Variants in ZNF621 observed in about 807,000 individuals in gnomAD.
ZNF621 encodes zinc finger protein 621.
ZNF621 carries 6 observed loss-of-function variants against 12.7 expected under a neutral mutation model. The observed-to-expected ratio is 0.47, with a 90% confidence interval of 0.26 to 0.93. The LOEUF is 0.93. Among genes scored for constraint, ZNF621 ranks in the 40% least tolerant of loss-of-function variants. The pLI, the probability that ZNF621 is intolerant of heterozygous loss-of-function variation, is 0.15. For synonymous variants in ZNF621, 156 were observed against 190.3 expected, an observed-to-expected ratio of 0.82 and a Z score of 1.48; for missense variants, 474 against 524.0, an observed-to-expected ratio of 0.90 and a Z score of 0.93.
chr3:40,532,959 A>T lies in ZNF621; in HGVS notation c.1189A>T (p.Asn397Tyr), dbSNP rs1698772626. The change falls in exon 5 of 5, where the codon AAT becomes TAT. Residue 397 changes from asparagine to tyrosine, a missense_variant. Transcript: ENST00000339296. ...TGCTGTGCTCATTCCTACCTCTGGGAATTTTTTCATGCTGCTGCCTACATC... is the reference window on the plus strand; with the variant it reads ...TGCTGTGCTCATTCCTACCTCTGGGTATTTTTTCATGCTGCTGCCTACATC... ...PHAVLIPTSGNFFMLLPTSGI... is the reference protein window; with the variant it reads ...PHAVLIPTSGYFFMLLPTSGI... 1 of 1,553,386 alleles carries T rather than the reference A, an allele frequency of 6.4e-7. No homozygotes were observed.
chr3:40,539,346 C>T lies in ZNF621; in HGVS notation c.*6256C>T, dbSNP rs567544470. 1 of 152,318 alleles carries T rather than the reference C, an allele frequency of 6.6e-6. No individual in the cohort carries two copies. The highest frequency in any genetic ancestry group is 2.1e-4 in the South Asian group (1 of 4,828). The allele number at this position is 152,318 out of a possible 1,614,324, so 9.4% of individuals were successfully genotyped here. A position where few individuals can be genotyped will look rare whatever the true frequency, so the allele number is the denominator to read the frequency against. ...AACCACCACACCGATCATTCAGCAG[C>T]CATCAACAGTGAGGCAAGACTGTCT... On this transcript the variant is annotated 3_prime_UTR_variant, in exon 5 of 5. Coordinates refer to ENST00000339296, the MANE Select transcript of ZNF621 (RefSeq NM_198484.5).
rs1698787191 is a variant in ZNF621, at chr3:40,533,404, GTGCT to G, written c.*315_*318del. On this transcript the variant is annotated 3_prime_UTR_variant, in exon 5 of 5. Coordinates refer to ENST00000339296, the MANE Select transcript of ZNF621 (RefSeq NM_198484.5). ...GATCCGCCTGCCTTGGCCCCCCAAA[GTGCT>G]GGGATTACAGGAGTGAGCCACTGTG... 6.5e-6 allele frequency: 2 copies of G among 309,376 alleles called. No individual in the cohort carries two copies. The highest frequency in any genetic ancestry group is 4.2e-5 in the African/African-American group (2 of 47,426). The allele number at this position is 309,376 out of a possible 1,614,324, so 19.2% of individuals were successfully genotyped here.
In ZNF621 at chr3:40,538,103, T is replaced by C. The variant is rs1354226995; in HGVS notation, c.*5013T>C. Among the ~76,000 whole-genome samples, 1 of 152,190 alleles carries C rather than the reference T, an allele frequency of 6.6e-6. No individual in the cohort carries two copies. The highest frequency in any genetic ancestry group is 1.5e-5 in the Non-Finnish European group (1 of 68,014). On this transcript the variant is annotated 3_prime_UTR_variant, in exon 5 of 5. Transcript: ENST00000339296. ...TAGGGCCCATAAGAATTATGCTAAA[T>C]CCACTCTGCCTGTGCTCTAGAAATG...
In ZNF621 at chr3:40,535,827, G is replaced by A. The variant is rs1192398927; in HGVS notation, c.*2737G>A. On this transcript the variant is annotated 3_prime_UTR_variant, in exon 5 of 5. Transcript: ENST00000339296. ...TTGAAGGTTACCTAAATGACAGAAGGATGCACTATATTCATGGGTAGGAAA... is the reference window on the plus strand; with the variant it reads ...TTGAAGGTTACCTAAATGACAGAAGAATGCACTATATTCATGGGTAGGAAA... 1 of 152,096 alleles carries A rather than the reference G, an allele frequency of 6.6e-6. No individual in the cohort carries two copies. Among genetic ancestry groups the A allele is most frequent in the Admixed American group, 6.6e-5 (1 of 15,258 alleles). The allele number at this position is 152,096 out of a possible 1,614,324, so 9.4% of individuals were successfully genotyped here.
intron 2 of ZNF621, among the ~76,000 whole-genome samples, 158 bp downstream of exon 2, chr3:40,526,022 G>A (rs149090640): frequency 6.6e-5 from 10 of 152,308 alleles, no homozygotes; most frequent in Non-Finnish European, 1.0e-4. Context: ...ATGTAAATAT[G>A]TGCTGGGGAA....
intron 4 of ZNF621, 72 bp downstream of exon 4, chr3:40,530,388 A>T: frequency 8.2e-7 from 1 of 1,223,618 alleles, no homozygotes; most frequent in South Asian, 1.2e-5. Context: ...AGTGTTTCTT[A>T]TGCTGCAGGG....
chr3:40,525,752 T>C, intron 1 of ZNF621, 27 bp from the exon 2 acceptor site: 1 of 1,595,098 alleles, frequency 6.3e-7, no homozygotes, highest in South Asian at 1.1e-5. Context: ...ACAGGGTCCT[T>C]AGCACTCATG....
chr3:40,533,109 T>TA lies in ZNF621; in HGVS notation c.*20dup, dbSNP rs754801804. ...CTCATGAGCTTTATCTTGGCAGTCT[T>TA]ACGGCTCTTATGCCTAGCAAATCTC... On this transcript the variant is annotated 3_prime_UTR_variant, in exon 5 of 5. Coordinates refer to ENST00000339296, the MANE Select transcript of ZNF621 (RefSeq NM_198484.5). The TA allele has an allele frequency of 3.1e-5, 48 of 1,547,714 alleles. No individual in the cohort carries two copies. In the South Asian group the frequency reaches 4.3e-4, roughly 14 times the overall value.
chr3:40,525,967 C>A (rs1698572733), intron 2 of ZNF621, 103 bp downstream of exon 2: 1 of 1,375,066 alleles, frequency 7.3e-7, no homozygotes, highest in Non-Finnish European at 1.0e-6. Context: ...CTAACTTGGC[C>A]AAGCTGTGTT....
chr3:40,538,910 C>G lies in ZNF621; in HGVS notation c.*5820C>G, dbSNP rs561604806. On this transcript the variant is annotated 3_prime_UTR_variant, in exon 5 of 5. Coordinates refer to ENST00000339296, the MANE Select transcript of ZNF621 (RefSeq NM_198484.5). The stretch of plus-strand genomic sequence containing the variant: ...TTCAAGACTTCAGTGGACGAAGTAA[C>G]TGCAGATGTGGTGGAAATAGCAAGA... 5.4e-4 allele frequency: 82 copies of G among 152,698 alleles called. No homozygotes were observed. Among genetic ancestry groups the G allele is most frequent in the South Asian group, 5.4e-3 (26 of 4,846 alleles). 9.5% of individuals were successfully genotyped at this position (152,698 alleles called of 1,614,324 possible).
rs557594725 is a variant in ZNF621 at position 40,531,910 on chromosome 3, G to A, written c.260-120G>A. The A allele has an allele frequency of 5.4e-6, 5 of 934,372 alleles. No individual in the cohort carries two copies. In the South Asian group the frequency reaches 6.7e-5, roughly 12 times the overall value. 57.9% of individuals were successfully genotyped at this position (934,372 alleles called of 1,614,324 possible). On this transcript the variant is annotated intron_variant, in intron 4 of 4. Transcript: ENST00000339296. ...CTCTCATCCTCCTTTATAGATGCTT[G>A]TATATAACCATTTCACAGGTATCTT...
At position 40,525,800 on chromosome 3, in the gene ZNF621, C is replaced by A; in HGVS notation, c.-41C>A. 7 of 1,614,156 alleles carry A rather than the reference C, an allele frequency of 4.3e-6. No individual in the cohort carries two copies. The highest frequency in any genetic ancestry group is 5.9e-6 in the Non-Finnish European group (7 of 1,180,022). On this transcript the variant is annotated 5_prime_UTR_variant, in exon 2 of 5. Coordinates refer to ENST00000339296, the MANE Select transcript of ZNF621 (RefSeq NM_198484.5). The stretch of plus-strand genomic sequence containing the variant: ...TTAGCTCTTGAGGATCTTGCTTGTC[C>A]AAACCCAGAAGACAGTGCATGAAGC...
chr3:40,528,328 T>G (rs1202097846), intron 2 of ZNF621, among the ~76,000 whole-genome samples: 1 of 152,200 alleles, frequency 6.6e-6, no homozygotes, highest in Non-Finnish European at 1.5e-5. Flanking sequence ...GCTTGATAGA[T>G]CGTTTTGTTT....
chr3:40,533,402 A>G lies in ZNF621; in HGVS notation c.*312A>G, dbSNP rs1003742100. On this transcript the variant is annotated 3_prime_UTR_variant, in exon 5 of 5. Transcript: ENST00000339296. ...GTGATCCGCCTGCCTTGGCCCCCCA[A>G]AGTGCTGGGATTACAGGAGTGAGCC... The G allele has an allele frequency of 7.5e-5, 23 of 307,632 alleles. No individual in the cohort carries two copies. The highest frequency in any genetic ancestry group is 4.4e-4 in the African/African-American group (21 of 47,388). 19.1% of individuals were successfully genotyped at this position (307,632 alleles called of 1,614,324 possible). A position where few individuals can be genotyped will look rare whatever the true frequency, so the allele number is the denominator to read the frequency against.
Position 40,536,480 on chromosome 3 carries a change from G to A in ZNF621, c.*3390G>A, listed in dbSNP as rs910909986. On this transcript the variant is annotated 3_prime_UTR_variant, in exon 5 of 5. Transcript: ENST00000339296. ...AAAATTATAAAGAAAGCATAGAGAG[G>A]TAAGCATTAGTGGCACAGCTGAGAA... 2 of 152,202 alleles carry A rather than the reference G, an allele frequency of 1.3e-5. No homozygotes were observed. The highest frequency in any genetic ancestry group is 2.9e-5 in the Non-Finnish European group (2 of 68,044). The allele number at this position is 152,202 out of a possible 1,614,324, so 9.4% of individuals were successfully genotyped here.
At chr3:40,527,205 A>G (rs879341865) in intron 2 of ZNF621, among the ~76,000 whole-genome samples, 61 of 151,726 alleles carry the variant, frequency 4.0e-4, no homozygotes, top group Non-Finnish European at 8.1e-4. Context: ...TTTAGTAGAG[A>G]CGGGGGTTCT....
rs966520573 is a variant in ZNF621 at position 40,539,526 on chromosome 3, GAAAATA to G, written c.*6444_*6449del. On this transcript the variant is annotated 3_prime_UTR_variant, in exon 5 of 5. Transcript: ENST00000339296. ...TTAAACATAACTTTTATAGGTACTG[GAAAATA>G]AAAATAATTGTGTGACTCCCTTTAT... The G allele has an allele frequency of 2.0e-5, 3 of 152,132 alleles. No individual in the cohort carries two copies. The highest frequency in any genetic ancestry group is 7.2e-5 in the African/African-American group (3 of 41,428). The allele number at this position is 152,132 out of a possible 1,614,324, so 9.4% of individuals were successfully genotyped here.
intron 1 of ZNF621, chr3:40,525,498 C>A: frequency 1.9e-6 from 1 of 519,496 alleles, no homozygotes; most frequent in Non-Finnish European, 3.4e-6. Context: ...TTTGTAGAGA[C>A]CCAACACAAT....
chr3:40,524,674 G>A (rs1698532072), upstream of ZNF621, among the ~76,000 whole-genome samples: 1 of 152,178 alleles, frequency 6.6e-6, no homozygotes. Context: ...GGCGCAGCCC[G>A]TGAACTGGGG....
Sources: allele counts gnomAD v4.1 joint callset (sites outside exome capture counted in the v4.1 genomes callset), GRCh38; gene constraint gnomAD v4.1.1; transcripts MANE v1.5; gene names NCBI Gene and HGNC (gene_info 2026-07-23, HGNC 2026-07-21).